The following ABI3BP variants were observed in gnomAD, a reference collection of about 807,000 sequenced individuals.
The protein encoded by ABI3BP is ABI family member 3 binding protein, also known as target of Nesh-SH3.
In ABI3BP, 216 loss-of-function variants were observed where a neutral mutation model predicts 268.6. That is an observed-to-expected ratio of 0.80 (90% CI 0.72 to 0.90). ABI3BP has a LOEUF of 0.90. ABI3BP is among the 40% of genes least tolerant of loss of function. The pLI is 0.00. For synonymous variants in ABI3BP, 730 were observed against 730.0 expected (o/e 1.00, Z 0.00); for missense variants, 2,090 against 2,182.4 (o/e 0.96, Z 0.84).
At chr3:100,836,993 A>T in intron 27 of ABI3BP, 131 bp downstream of exon 27, 1 of 857,490 alleles carries the variant, frequency 1.2e-6, no homozygotes, top group Non-Finnish European at 1.7e-6. Context: ...CCCTGTTGAA[A>T]ATAGTGAAAA....
chr3:100,787,637 A>T, intron 57 of ABI3BP, 91 bp downstream of exon 57: 1 of 1,124,670 alleles, frequency 8.9e-7, no homozygotes, highest in Non-Finnish European at 1.2e-6. Flanking sequence ...GGTAAAAAGG[A>T]AATTAAAATG....
At chr3:100,902,053 A>G (rs1271190763) in intron 3 of ABI3BP, among the ~76,000 whole-genome samples, 2 of 152,192 alleles carry the variant, frequency 1.3e-5, no homozygotes, top group African/African-American at 4.8e-5. Context: ...TATTTTATGG[A>G]AGAAATCCTT....
In ABI3BP at chr3:100,837,107, G is replaced by C. The variant is rs181164669; in HGVS notation, c.2131+17C>G. On this transcript the variant is annotated intron_variant, in intron 27 of 67. Coordinates refer to ENST00000471714, the MANE Select transcript of ABI3BP (RefSeq NM_001375547.2). The stretch of plus-strand genomic sequence containing the variant: ...GCTCAGAGAAACATTGGCCAAGAAG[G>C]AAGAAAGCATCATTACCTATGGTCA... 534 of 1,529,126 alleles carry C rather than the reference G, an allele frequency of 3.5e-4. 1 individual carries two copies. Among genetic ancestry groups the C allele is most frequent in the Admixed American group, 3.4e-4 (17 of 50,150 alleles). The allele number at this position is 1,529,126 out of a possible 1,614,324, so 94.7% of individuals were successfully genotyped here.
chr3:100,811,927 A>C, intron 46 of ABI3BP, 128 bp from the exon 47 acceptor site: 1 of 694,348 alleles, frequency 1.4e-6, no homozygotes, highest in Non-Finnish European at 2.4e-6. Flanking sequence ...AATAATTAAC[A>C]TTTAGGTAGA....
chr3:100,790,818 A>G (rs1438816425), intron 55 of ABI3BP, among the ~76,000 whole-genome samples: 1 of 151,984 alleles, frequency 6.6e-6, no homozygotes, highest in Non-Finnish European at 1.5e-5. Context: ...TAAAAAAGAT[A>G]AGAATCATAG....
intron 51 of ABI3BP, among the ~76,000 whole-genome samples, chr3:100,800,970 T>C (rs940678661): frequency 1.3e-5 from 2 of 152,222 alleles, no homozygotes; most frequent in Non-Finnish European, 2.9e-5. Context: ...AGATTTGCCT[T>C]GTTTTATAGT....
intron 6 of ABI3BP, among the ~76,000 whole-genome samples, chr3:100,883,000 C>T (rs992133909): frequency 8.5e-5 from 13 of 152,070 alleles, no homozygotes; most frequent in African/African-American, 1.2e-4. Context: ...AGCAGATCTA[C>T]GTTTCCTATA....
intron 62 of ABI3BP, among the ~76,000 whole-genome samples, chr3:100,767,923 T>C (rs1363204579): frequency 1.3e-5 from 2 of 152,192 alleles, no homozygotes; most frequent in African/African-American, 4.8e-5. Context: ...GAACAATTTA[T>C]ATGACACTCC....
Position 100,751,611 on chromosome 3 carries a change from G to C in ABI3BP, c.5186C>G (p.Ser1729Ter). The change falls in exon 67 of 68, where the codon TCA (serine) becomes TGA (stop). Residue 1729 changes from serine to a stop codon, truncating the protein, a stop_gained. Transcript: ENST00000471714. LOFTEE classifies it high-confidence loss of function. ...CTGCCCAGTGCGTCCATCTAAAAAT[G>C]AATCCACAAACTGGCAGTGATCTTC... ...HGEDHCQFVD[S>*]FLDGRTGQQL... 6.2e-7 allele frequency: 1 copy of C among 1,601,656 alleles called. No individual in the cohort carries two copies. Among genetic ancestry groups the C allele is most frequent in the Non-Finnish European group, 8.5e-7 (1 of 1,173,258 alleles).
At chr3:100,984,344 C>T (rs1395251649) in intron 1 of ABI3BP, among the ~76,000 whole-genome samples, 1 of 152,086 alleles carries the variant, frequency 6.6e-6, no homozygotes, top group African/African-American at 2.4e-5. Context: ...TATTGAATTG[C>T]TATGTCATAG....
Position 100,874,912 on chromosome 3 carries a change from A to C in ABI3BP, c.839T>G (p.Leu280Arg). 6.3e-7 allele frequency: 1 copy of C among 1,596,068 alleles called. No homozygotes were observed. The highest frequency in any genetic ancestry group is 1.3e-5 in the African/African-American group (1 of 74,878). Residue 280 changes from leucine to arginine, a missense_variant, in exon 9 of 68, where the codon CTT (leucine) becomes CGT (arginine). Transcript: ENST00000471714. ...AGGAAGTTTTACAGTAGTTTCATTA[A>C]GACCTGGAATAATAAGGTGGACTGC... ...VILVHLIIPG[L>R]NETTVKLPAS...
chr3:100,851,800 G>T, intron 15 of ABI3BP, 75 bp downstream of exon 15: 1 of 1,314,754 alleles, frequency 7.6e-7, no homozygotes, highest in Non-Finnish European at 1.0e-6. Context: ...TTTCCACTCT[G>T]CAAAAACTAA....
chr3:100,824,215 T>A (rs1474063572), intron 36 of ABI3BP, among the ~76,000 whole-genome samples: 1 of 152,148 alleles, frequency 6.6e-6, no homozygotes. Flanking sequence ...TGCACCATCA[T>A]CAACAGTCGT....
chr3:100,755,394 G>T (rs1177976489), intron 63 of ABI3BP, among the ~76,000 whole-genome samples: 3 of 152,084 alleles, frequency 2.0e-5, no homozygotes, highest in South Asian at 4.1e-4. Flanking sequence ...TAGTTGTATC[G>T]CCTGGAACTT....
chr3:100,840,854 A>G lies in ABI3BP; in HGVS notation c.1770T>C (p.Pro590=). 2.6e-6 allele frequency: 4 copies of G among 1,534,858 alleles called. No individual in the cohort carries two copies. Among genetic ancestry groups the G allele is most frequent in the Non-Finnish European group, 3.5e-6 (4 of 1,145,898 alleles). ...TLLPSQSTIG[P]ETPGTKPSTT... is the part of the protein sequence containing the mutation. ...TTGAAGGTTTGGTTCCTGGTGTTTC[A>G]GGTCCTAAGACAATGTGAAAAAATC... The change falls in exon 22 of 68, where the codon CCT becomes CCC. Residue 590 remains proline, a synonymous_variant. Coordinates refer to ENST00000471714, the MANE Select transcript of ABI3BP (RefSeq NM_001375547.2).
At position 100,816,458 on chromosome 3, in the gene ABI3BP, C is replaced by T. The variant is rs754091538; in HGVS notation, c.3229+230G>A. 9 of 609,932 alleles carry T rather than the reference C, an allele frequency of 1.5e-5. No homozygotes were observed. In the Admixed American group the frequency reaches 2.1e-4, roughly 14 times the overall value. The allele number at this position is 609,932 out of a possible 1,614,324, so 37.8% of individuals were successfully genotyped here. On this transcript the variant is annotated intron_variant, in intron 43 of 67. Transcript: ENST00000471714. Reference sequence around the variant, plus strand: ...CACATCTTTAAAGAGGGACCAAGAACGTCATCCAAACCAAGTCATTTAGGA... The same window carrying T: ...CACATCTTTAAAGAGGGACCAAGAATGTCATCCAAACCAAGTCATTTAGGA...
At chr3:100,861,976 T>C (rs1294504227) in intron 14 of ABI3BP, among the ~76,000 whole-genome samples, 1 of 152,236 alleles carries the variant, frequency 6.6e-6, no homozygotes, top group Non-Finnish European at 1.5e-5. Flanking sequence ...AAACTCATAC[T>C]GTTAAATCAG....
At chr3:100,894,521 G>A (rs1185381002) in intron 4 of ABI3BP, among the ~76,000 whole-genome samples, 1 of 152,116 alleles carries the variant, frequency 6.6e-6, no homozygotes, top group Non-Finnish European at 1.5e-5. Flanking sequence ...ACAAGGCACT[G>A]GGGTCAATCA....
intron 2 of ABI3BP, among the ~76,000 whole-genome samples, chr3:100,906,631 C>T (rs965041392): frequency 6.6e-5 from 10 of 152,218 alleles, no homozygotes; most frequent in Non-Finnish European, 1.0e-4. Flanking sequence ...GTTACCTTAA[C>T]AAAGTTTCCA....
Sources: allele counts gnomAD v4.1 joint callset (sites outside exome capture counted in the v4.1 genomes callset), GRCh38; gene constraint gnomAD v4.1.1; transcripts MANE v1.5; gene names NCBI Gene and HGNC (gene_info 2026-07-23, HGNC 2026-07-21).